Variants in MYLK observed in about 807,000 individuals in gnomAD.
The protein encoded by MYLK is myosin light chain kinase.
In MYLK, 106 loss-of-function variants were observed where a neutral mutation model predicts 203.4. That is an observed-to-expected ratio of 0.52 (90% CI 0.45 to 0.61). MYLK has a LOEUF of 0.61. MYLK is among the 20% of genes least tolerant of loss of function. MYLK has a pLI of 0.00. For synonymous variants in MYLK, 867 were observed against 959.5 expected (o/e 0.90, Z 1.78); for missense variants, 2,072 against 2,442.3 (o/e 0.85, Z 3.20).
intron 16 of MYLK, among the ~76,000 whole-genome samples, chr3:123,701,721 A>G (rs2061237437): frequency 6.6e-6 from 1 of 152,252 alleles, no homozygotes; most frequent in Admixed American, 6.5e-5. Flanking sequence ...AGAAGAAGAA[A>G]AAAAGAATGT....
Position 123,701,454 on chromosome 3 carries a change from C to T in MYLK, c.2446G>A (p.Ala816Thr). The part of the protein sequence containing the change: ...QVSLMLQNSS[A>T]RALPRGREPA... The stretch of plus-strand genomic sequence containing the variant: ...GGCACTCACCGTGGAAGGGCTCTGG[C>T]AGAGCTGTTCTGTAGCATCAGTGAC... The change falls in exon 17 of 34, where the codon GCC becomes ACC. Residue 816 changes from alanine to threonine, a missense_variant. Coordinates refer to ENST00000360304, the MANE Select transcript of MYLK (RefSeq NM_053025.4). The T allele has an allele frequency of 3.1e-6, 5 of 1,614,074 alleles. No homozygotes were observed. The highest frequency in any genetic ancestry group is 2.2e-5 in the East Asian group (1 of 44,864).
chr3:123,621,523 T>G (rs1237553443), intron 31 of MYLK: 1 of 152,210 alleles, frequency 6.6e-6, no homozygotes, highest in African/African-American at 2.4e-5. Context: ...AGCCTCACAA[T>G]TTAGGACTAG....
At chr3:123,872,989 C>T (rs1243035832) in intron 2 of MYLK, among the ~76,000 whole-genome samples, 4 of 152,086 alleles carry the variant, frequency 2.6e-5, no homozygotes, top group Non-Finnish European at 5.9e-5. Context: ...CCAAGTGTCA[C>T]CTCACCAGCA....
At chr3:123,707,661 T>C (rs1029372679) in intron 16 of MYLK, 93 bp downstream of exon 16, 4 of 1,600,830 alleles carry the variant, frequency 2.5e-6, no homozygotes, top group Non-Finnish European at 1.7e-6. Context: ...CCCACATCAG[T>C]TTGTGCTTCT....
At chr3:123,833,814 T>A (rs2066406997) in intron 2 of MYLK, among the ~76,000 whole-genome samples, 1 of 152,082 alleles carries the variant, frequency 6.6e-6, no homozygotes, top group African/African-American at 2.4e-5. Context: ...CTGACACTCA[T>A]GGCAAAAAAG....
intron 2 of MYLK, among the ~76,000 whole-genome samples, chr3:123,853,906 C>T (rs2031100812): frequency 1.3e-5 from 2 of 152,080 alleles, no homozygotes; most frequent in Admixed American, 1.3e-4. Context: ...GGCAATGTGA[C>T]ATGCTTTGAC....
rs151091281 is a variant in MYLK, at chr3:123,703,632, G to T, written c.2391-2123C>A. Among the ~76,000 whole-genome samples the T allele has an allele frequency of 1.8e-3, 270 of 152,306 alleles. 5 individuals carry two copies. In the East Asian group the frequency reaches 0.03, roughly 17 times the overall value. ...CGAAGAGGTCCTCAGTGTGCCCCGA[G>T]TTCTCAACACTTAAAAAGGCTTATG... On this transcript the variant is annotated intron_variant, in intron 16 of 33. Transcript: ENST00000360304.
chr3:123,837,477 A>G (rs1326053511), intron 2 of MYLK, among the ~76,000 whole-genome samples: 1 of 147,582 alleles, frequency 6.8e-6, no homozygotes, highest in Non-Finnish European at 1.5e-5. Flanking sequence ...ATATATACAT[A>G]TTATATATAA....
intron 5 of MYLK, among the ~76,000 whole-genome samples, chr3:123,743,120 T>A (rs2062909468): frequency 6.6e-6 from 1 of 152,198 alleles, no homozygotes; most frequent in African/African-American, 2.4e-5. Context: ...TGGTAAATTT[T>A]ATGTTAGGTA....
Position 123,614,213 on chromosome 3 carries a change from C to CTT in MYLK, c.5635_5636dup (p.Tyr1880SerfsTer46). The CTT allele has an allele frequency of 6.2e-7, 1 of 1,614,096 alleles. No individual in the cohort carries two copies. Among genetic ancestry groups the CTT allele is most frequent in the South Asian group, 1.1e-5 (1 of 91,078 alleles). ...GACTGTTGACAGCCTTGCAGGTGTA[C>CTT]TTGGCATCGTCATCCCCGCAAACAT... On this transcript the variant is annotated frameshift_variant, in exon 34 of 34. Transcript: ENST00000360304. LOFTEE classifies it high-confidence loss of function.
intron 4 of MYLK, among the ~76,000 whole-genome samples, chr3:123,790,736 T>C (rs577158645): frequency 6.6e-6 from 1 of 152,298 alleles, no homozygotes; most frequent in African/African-American, 2.4e-5. Flanking sequence ...CCAAAGGCAG[T>C]AGGAAATAAA....
intron 3 of MYLK, among the ~76,000 whole-genome samples, chr3:123,802,654 T>G (rs747482383): frequency 5.9e-5 from 9 of 152,194 alleles, no homozygotes; most frequent in Admixed American, 4.6e-4. Flanking sequence ...TCACGCACAG[T>G]GTGAAGGAGC....
intron 19 of MYLK, among the ~76,000 whole-genome samples, chr3:123,687,171 G>A (rs1200468193): frequency 3.9e-5 from 6 of 152,128 alleles, no homozygotes; most frequent in African/African-American, 9.7e-5. Context: ...GCAGTGAGCC[G>A]AGATCATGCC....
At chr3:123,654,072 C>A (rs1251756457) in intron 24 of MYLK, among the ~76,000 whole-genome samples, 2 of 151,112 alleles carry the variant, frequency 1.3e-5, no homozygotes, top group African/African-American at 4.9e-5. Context: ...TGTCCCCTGA[C>A]AGACATTTGG....
intron 3 of MYLK, among the ~76,000 whole-genome samples, chr3:123,827,475 C>A (rs2148607882): frequency 6.6e-6 from 1 of 151,592 alleles, no homozygotes; most frequent in East Asian, 1.9e-4. Context: ...AGGAATCTTA[C>A]AGGCCAGGAA....
intron 15 of MYLK, among the ~76,000 whole-genome samples, 162 bp downstream of exon 15, chr3:123,708,536 G>A (rs2061552857): frequency 6.6e-6 from 1 of 152,210 alleles, no homozygotes; most frequent in Non-Finnish European, 1.5e-5. Flanking sequence ...AGCTTGTGAT[G>A]TTGGACAGGG....
At chr3:123,849,088 A>G (rs1282609380) in intron 2 of MYLK, among the ~76,000 whole-genome samples, 1 of 151,948 alleles carries the variant, frequency 6.6e-6, no homozygotes, top group Non-Finnish European at 1.5e-5. Context: ...ATATCCTCCC[A>G]CCTCAGCCTA....
chr3:123,713,446 C>T (rs2061775419), intron 13 of MYLK, among the ~76,000 whole-genome samples: 2 of 152,208 alleles, frequency 1.3e-5, no homozygotes, highest in Admixed American at 6.5e-5. Context: ...CAAAGGGAAC[C>T]AGTCTCCTCC....
chr3:123,701,146 T>C (rs2061196726), intron 17 of MYLK, 141 bp from the exon 18 acceptor site: 1 of 1,217,606 alleles, frequency 8.2e-7, no homozygotes, highest in African/African-American at 1.5e-5. Flanking sequence ...CCAGGCTGTG[T>C]TTATAGATGG....
Sources: allele counts gnomAD v4.1 joint callset (sites outside exome capture counted in the v4.1 genomes callset), GRCh38; gene constraint gnomAD v4.1.1; transcripts MANE v1.5; gene names NCBI Gene and HGNC (gene_info 2026-07-23, HGNC 2026-07-21).